Variants in NFASC observed in about 807,000 individuals in gnomAD.
The protein encoded by NFASC is neurofascin.
In NFASC, 43 loss-of-function variants were observed where a neutral mutation model predicts 147.5. That is an observed-to-expected ratio of 0.29 (90% CI 0.23 to 0.38). The LOEUF is 0.38. NFASC is among the 10% of genes least tolerant of loss of function. The probability of loss-of-function intolerance (pLI) is 1.00; values close to 1 mark genes in which losing one functional copy is unlikely to be tolerated. For synonymous variants in NFASC, 622 were observed against 665.5 expected, an observed-to-expected ratio of 0.93 and a Z score of 1.01; for missense variants, 1,320 against 1,689.0, an observed-to-expected ratio of 0.78 and a Z score of 3.83.
At chr1:204,877,064 ATATTTATATATATATAATATATTTATT>A (rs1462718181) in intron 1 of NFASC, among the ~76,000 whole-genome samples, 3 of 111,894 alleles carry the variant, frequency 2.7e-5, no homozygotes, top group East Asian at 4.6e-4. Flanking sequence ...ATTTATTTAT[ATATTTATATATATATAATATATTTATT>A]TATATATTTA....
rs554170822 is a variant in NFASC, at chr1:204,945,850, A to G, written c.91+1444A>G. On this transcript the variant is annotated intron_variant, in intron 3 of 29. Transcript: ENST00000339876. Reference sequence around the variant, plus strand: ...AAGTCCCCGGAGGGAGGGTGTGCAGAGGAAATTGGGTTATCAGGGAAGTGG... The same window carrying G: ...AAGTCCCCGGAGGGAGGGTGTGCAGGGGAAATTGGGTTATCAGGGAAGTGG... Among the ~76,000 whole-genome samples the G allele has an allele frequency of 1.1e-4, 16 of 152,280 alleles. No individual in the cohort carries two copies. The South Asian group carries it at 3.3e-3, about 32-fold the overall frequency.
Position 204,979,119 on chromosome 1 carries a change from C to G in NFASC, c.1978+50C>G, listed in dbSNP as rs1007968974. On this transcript the variant is annotated intron_variant, in intron 18 of 29. Coordinates refer to ENST00000339876, the MANE Select transcript of NFASC (RefSeq NM_001005388.3). The surrounding 1 kb of genome is among the most constrained non-coding windows in gnomAD (Gnocchi z 6.0). ...AGCTGGAAAAGAGGGACGGCAACAC[C>G]CTTAAACCGAAGGCCTTTCCTGGTT... The G allele has an allele frequency of 1.4e-6, 2 of 1,446,498 alleles. No individual in the cohort carries two copies. 89.6% of individuals were successfully genotyped at this position (1,446,498 alleles called of 1,614,324 possible). A position where few individuals can be genotyped will look rare whatever the true frequency, so the allele number is the denominator to read the frequency against.
At chr1:204,946,469 G>A (rs1028340398) in intron 3 of NFASC, 1 of 418,536 alleles carries the variant, frequency 2.4e-6, no homozygotes. Context: ...GACCCAGGCT[G>A]CCCGGAGCAT....
At chr1:204,886,420 T>A (rs143367444) in intron 1 of NFASC, among the ~76,000 whole-genome samples, 356 of 152,376 alleles carry the variant, frequency 2.3e-3, no homozygotes, top group African/African-American at 8.1e-3. Flanking sequence ...TGGCTGTTTA[T>A]GCTTTTTATT....
intron 1 of NFASC, among the ~76,000 whole-genome samples, chr1:204,915,088 G>A (rs1358083480): frequency 2.6e-5 from 4 of 152,100 alleles, no homozygotes; most frequent in Non-Finnish European, 5.9e-5. Context: ...GACCATCCTT[G>A]CTAACATGGT....
chr1:204,845,945 G>T (rs1476651438), intron 1 of NFASC, among the ~76,000 whole-genome samples: 1 of 152,108 alleles, frequency 6.6e-6, no homozygotes, highest in Non-Finnish European at 1.5e-5. Context: ...ACGGGGGAAG[G>T]GGCTGGAATT....
At chr1:204,874,632 C>T (rs1380100128) in intron 1 of NFASC, among the ~76,000 whole-genome samples, 2 of 152,198 alleles carry the variant, frequency 1.3e-5, no homozygotes, top group South Asian at 4.1e-4. Context: ...AGATCCTTCC[C>T]GCCTCTGCCG....
chr1:204,855,646 C>G (rs2076088820), intron 1 of NFASC, among the ~76,000 whole-genome samples: 2 of 152,112 alleles, frequency 1.3e-5, no homozygotes, highest in Non-Finnish European at 2.9e-5. Context: ...GGAGAAGAGG[C>G]CAGGGCTGCC....
chr1:204,940,233 A>G (rs746480140), intron 2 of NFASC, among the ~76,000 whole-genome samples: 1 of 152,200 alleles, frequency 6.6e-6, no homozygotes, highest in Admixed American at 6.5e-5. Flanking sequence ...TGGGTGGATC[A>G]CCTGAGGTCA....
chr1:204,960,042 G>A (rs914272939), intron 8 of NFASC, among the ~76,000 whole-genome samples: 3 of 152,144 alleles, frequency 2.0e-5, no homozygotes, highest in Admixed American at 6.5e-5. Flanking sequence ...CCAGAATTGG[G>A]CACACTTGCT....
chr1:204,883,485 TG>T, intron 1 of NFASC, among the ~76,000 whole-genome samples: 1 of 152,150 alleles, frequency 6.6e-6, no homozygotes, highest in Admixed American at 6.5e-5. Flanking sequence ...CCTGTGCAGC[TG>T]GGGTGTGGAG....
rs535678468 is a variant in NFASC at position 205,014,190 on chromosome 1, C to G, written c.3491+1324C>G. Among the ~76,000 whole-genome samples, 4 of 152,266 alleles carry G rather than the reference C, an allele frequency of 2.6e-5. No homozygotes were observed. In the East Asian group the frequency reaches 5.8e-4, roughly 22 times the overall value. On this transcript the variant is annotated intron_variant, in intron 29 of 29. Coordinates refer to ENST00000339876, the MANE Select transcript of NFASC (RefSeq NM_001005388.3). ...TTGCTTCCTTATGCACCTCTCCTGC[C>G]CCAGACACCAAAGCTGTCAGGCAAA... is the stretch of plus-strand genomic sequence containing the variant.
intron 8 of NFASC, chr1:204,967,973 C>A: frequency 1.1e-5 from 4 of 348,430 alleles, no homozygotes; most frequent in South Asian, 3.6e-5. Context: ...CTCCCCGTTC[C>A]AGGGAAGGGG....
At chr1:204,829,733 G>A (rs531487303) in intron 1 of NFASC, among the ~76,000 whole-genome samples, 1 of 152,306 alleles carries the variant, frequency 6.6e-6, no homozygotes, top group South Asian at 2.1e-4. Flanking sequence ...GAATGACTGA[G>A]CAGACTCCTC....
At chr1:205,002,491 C>A in intron 26 of NFASC, 105 bp from the exon 27 acceptor site, 1 of 963,688 alleles carries the variant, frequency 1.0e-6, no homozygotes, top group Non-Finnish European at 1.4e-6. Context: ...GTTCCCTGGT[C>A]CCTTCCCCCA....
Position 205,017,970 on chromosome 1 carries a change from G to A in NFASC, c.*1431G>A, listed in dbSNP as rs2096374937. 6.5e-6 allele frequency: 1 copy of A among 152,938 alleles called. No individual in the cohort carries two copies. Among genetic ancestry groups the A allele is most frequent in the Non-Finnish European group, 1.5e-5 (1 of 68,272 alleles). The allele number at this position is 152,938 out of a possible 1,614,324, so 9.5% of individuals were successfully genotyped here. On this transcript the variant is annotated 3_prime_UTR_variant, in exon 30 of 30. Coordinates refer to ENST00000339876, the MANE Select transcript of NFASC (RefSeq NM_001005388.3). ...GCAACGTCTATCTCCAGGAGAGCAGGGCAGCCTATGCAAGTGTTCCGGCAG... is the reference window on the plus strand; with the variant it reads ...GCAACGTCTATCTCCAGGAGAGCAGAGCAGCCTATGCAAGTGTTCCGGCAG...
chr1:205,009,558 T>C lies in NFASC; in HGVS notation c.3291T>C (p.Ala1097=). The change falls in exon 28 of 30, where the codon GCT becomes GCC. Residue 1097 remains alanine, a splice_region_variant and synonymous_variant. Coordinates refer to ENST00000339876, the MANE Select transcript of NFASC (RefSeq NM_001005388.3). ...STVITFMTST[A]YTNNQADIAT... Reference sequence around the variant, plus strand: ...TTTGCTTCCGGCCCTCCCCGCCAGCTTACACCAACAACCAAGCGGACATCG... The same window carrying C: ...TTTGCTTCCGGCCCTCCCCGCCAGCCTACACCAACAACCAAGCGGACATCG... 1 of 1,614,116 alleles carries C rather than the reference T, an allele frequency of 6.2e-7. No individual in the cohort carries two copies. The highest frequency in any genetic ancestry group is 8.5e-7 in the Non-Finnish European group (1 of 1,179,990).
At chr1:204,876,914 C>T (rs2078902118) in intron 1 of NFASC, among the ~76,000 whole-genome samples, 1 of 146,874 alleles carries the variant, frequency 6.8e-6, no homozygotes, top group Non-Finnish European at 1.5e-5. Context: ...GGAAGCATAG[C>T]CTCTGGTAGA....
intron 1 of NFASC, among the ~76,000 whole-genome samples, chr1:204,849,813 G>A (rs567022109): frequency 6.6e-6 from 1 of 152,332 alleles, no homozygotes; most frequent in South Asian, 2.1e-4. Flanking sequence ...GGCACAGCAG[G>A]CCTCTGAGGG....
Sources: gnomAD v4.1 joint callset for allele counts (sites outside exome capture counted in the v4.1 genomes callset) on GRCh38, gnomAD v4.1.1 for gene constraint, Gnocchi (gnomAD v3.1) non-coding constraint, MANE v1.5 for transcripts, NCBI Gene and HGNC (gene_info 2026-07-23, HGNC 2026-07-21) for gene names.